CHCHD7: variants seen among roughly 807,000 people sequenced by gnomAD.
CHCHD7 encodes coiled-coil-helix-coiled-coil-helix domain containing 7, also known as coiled-coil-helix-coiled-coil-helix domain-containing protein 7.
CHCHD7 carries 7 observed loss-of-function variants against 10.5 expected under a neutral mutation model. That is an observed-to-expected ratio of 0.67 (90% CI 0.38 to 1.25). The LOEUF is 1.25. CHCHD7 is among the 50% of genes most tolerant of loss of function. CHCHD7 has a pLI of 0.02. For missense variants in CHCHD7, 100 were observed against 104.5 expected, an observed-to-expected ratio of 0.96 and a Z score of 0.19; for synonymous variants, 40 against 36.0, an observed-to-expected ratio of 1.11 and a Z score of -0.40.
At chr8:56,212,693 G>T in intron 1 of CHCHD7, 1 of 607,496 alleles carries the variant, frequency 1.6e-6, no homozygotes, top group South Asian at 2.2e-5. Flanking sequence ...GGCCCCTTTA[G>T]CGGAGCACTC....
chr8:56,217,543 G>C lies in CHCHD7; in HGVS notation c.*108G>C. 1.5e-6 allele frequency: 1 copy of C among 666,512 alleles called. No individual in the cohort carries two copies. Among genetic ancestry groups the C allele is most frequent in the South Asian group, 1.9e-5 (1 of 51,988 alleles). The allele number at this position is 666,512 out of a possible 1,614,324, so 41.3% of individuals were successfully genotyped here. Reference sequence around the variant, plus strand: ...CACCCCTCACCCAGACAGACCTTAAGTTCTTCAAGTGGAGACAGTGAAGTC... The same window carrying C: ...CACCCCTCACCCAGACAGACCTTAACTTCTTCAAGTGGAGACAGTGAAGTC... On this transcript the variant is annotated 3_prime_UTR_variant, in exon 4 of 4. Coordinates refer to ENST00000355315, the MANE Select transcript of CHCHD7 (RefSeq NM_001011671.3).
At chr8:56,212,950 G>A in intron 1 of CHCHD7, 1 of 1,259,728 alleles carries the variant, frequency 7.9e-7, no homozygotes, top group East Asian at 2.3e-5. Context: ...ATAAAATATA[G>A]AGTAGGATAC....
In CHCHD7 at chr8:56,217,630, T is replaced by A; in HGVS notation, c.*195T>A. On this transcript the variant is annotated 3_prime_UTR_variant, in exon 4 of 4. Transcript: ENST00000355315. ...CGATGGTATGTTGCTGTTGGCTGTG[T>A]TGTGGCATGAGTTTGCATGACTTTC... 2.2e-6 allele frequency: 1 copy of A among 462,198 alleles called. No homozygotes were observed. The highest frequency in any genetic ancestry group is 3.6e-5 in the East Asian group (1 of 28,144). The allele number at this position is 462,198 out of a possible 1,614,324, so 28.6% of individuals were successfully genotyped here.
Position 56,212,938 on chromosome 8 carries a change from CAAT to C in CHCHD7, c.-17+1104_-17+1106del, listed in dbSNP as rs760988212. 9 of 1,409,528 alleles carry C rather than the reference CAAT, an allele frequency of 6.4e-6. No homozygotes were observed. The Admixed American group carries it at 1.4e-4, about 21-fold the overall frequency. The allele number at this position is 1,409,528 out of a possible 1,614,324, so 87.3% of individuals were successfully genotyped here. On this transcript the variant is annotated intron_variant, in intron 1 of 3. Transcript: ENST00000355315. ...TTATTTTTGAAGAATTTCTGACTGA[CAAT>C]AAAATATAGAGTAGGATACTTTCAT...
intron 1 of CHCHD7, chr8:56,212,654 AT>A: frequency 1.8e-6 from 1 of 554,376 alleles, no homozygotes; most frequent in Non-Finnish European, 3.2e-6. Context: ...TGTAACATTT[AT>A]TTAGTACATT....
intron 3 of CHCHD7, chr8:56,216,762 T>G: frequency 1.4e-6 from 1 of 701,300 alleles, no homozygotes; most frequent in South Asian, 1.5e-5. Context: ...TAGGTGGGTC[T>G]TCTTAGACAT....
At position 56,213,150 on chromosome 8, in the gene CHCHD7, C is replaced by T. The variant is rs1404424835; in HGVS notation, c.-17+1313C>T. ...GGGAAGTGTGGAAAAAAATTGTCTT[C>T]AGGAGAGGAAGAAGCTTGTAGATAT... On this transcript the variant is annotated intron_variant, in intron 1 of 3. Transcript: ENST00000355315. The T allele has an allele frequency of 1.2e-5, 4 of 343,210 alleles. No homozygotes were observed. The Admixed American group carries it at 1.4e-4, about 12-fold the overall frequency. The allele number at this position is 343,210 out of a possible 1,614,324, so 21.3% of individuals were successfully genotyped here.
At position 56,214,532 on chromosome 8, in the gene CHCHD7, A is replaced by G. The variant is rs1421613715; in HGVS notation, c.-16-66A>G. 7.6e-6 allele frequency: 9 copies of G among 1,187,752 alleles called. No individual in the cohort carries two copies. The East Asian group carries it at 1.7e-4, about 22-fold the overall frequency. The allele number at this position is 1,187,752 out of a possible 1,614,324, so 73.6% of individuals were successfully genotyped here. On this transcript the variant is annotated intron_variant, in intron 1 of 3. Coordinates refer to ENST00000355315, the MANE Select transcript of CHCHD7 (RefSeq NM_001011671.3). ...CAAAATTTCAGGTACTTTTAGTGCTATTGAGATGTATTGATTTATTTTCTG... is the reference window on the plus strand; with the variant it reads ...CAAAATTTCAGGTACTTTTAGTGCTGTTGAGATGTATTGATTTATTTTCTG...
intron 2 of CHCHD7, 195 bp from the exon 3 acceptor site, chr8:56,216,238 A>C: frequency 1.3e-6 from 1 of 755,510 alleles, no homozygotes; most frequent in Admixed American, 3.1e-5. Context: ...ATAAAAAGGA[A>C]GATGTTAGCC....
rs978520307 is a variant in CHCHD7, at chr8:56,218,384, T to C, written c.*949T>C. The C allele has an allele frequency of 4.4e-6, 1 of 225,114 alleles. No homozygotes were observed. The highest frequency in any genetic ancestry group is 8.8e-6 in the Non-Finnish European group (1 of 113,054). The allele number at this position is 225,114 out of a possible 1,614,324, so 13.9% of individuals were successfully genotyped here. On this transcript the variant is annotated 3_prime_UTR_variant, in exon 4 of 4. Coordinates refer to ENST00000355315, the MANE Select transcript of CHCHD7 (RefSeq NM_001011671.3). Reference sequence around the variant, plus strand: ...GCCCACTGCCTTTTAGAATCGTTTGTTTTATTCATGGTAGTTTTATGAAGA... The same window carrying C: ...GCCCACTGCCTTTTAGAATCGTTTGCTTTATTCATGGTAGTTTTATGAAGA...
chr8:56,213,982 G>A (rs1813187435), intron 1 of CHCHD7: 1 of 152,182 alleles, frequency 6.6e-6, no homozygotes, highest in Non-Finnish European at 1.5e-5. Flanking sequence ...GTAATTGTTG[G>A]AATGCATACT....
rs770355654 is a variant in CHCHD7, at chr8:56,214,593, C to G, written c.-16-5C>G. On this transcript the variant is annotated splice_polypyrimidine_tract_variant and splice_region_variant and intron_variant, in intron 1 of 3. Coordinates refer to ENST00000355315, the MANE Select transcript of CHCHD7 (RefSeq NM_001011671.3). ...TATAATTATTTTTTTTCTGTCTACC[C>G]TCAGTAAGAAGACTGTTAGAATGCC... 1.7e-5 allele frequency: 27 copies of G among 1,608,060 alleles called. No individual in the cohort carries two copies. Among genetic ancestry groups the G allele is most frequent in the South Asian group, 1.1e-4 (10 of 90,784 alleles).
chr8:56,212,410 G>A (rs182642779), intron 1 of CHCHD7: 1 of 155,046 alleles, frequency 6.4e-6, no homozygotes, highest in East Asian at 1.9e-4. Context: ...CGACCACGGG[G>A]CGTGTGGGCA....
chr8:56,214,685 A>C lies in CHCHD7; in HGVS notation c.54+18A>C. ...GTTTGTCGGTAGGATGGTTTGCTTT[A>C]ATTTTCATGAGTGTTAAGTTGGAAA... is the stretch of plus-strand genomic sequence containing the variant. On this transcript the variant is annotated intron_variant, in intron 2 of 3. Coordinates refer to ENST00000355315, the MANE Select transcript of CHCHD7 (RefSeq NM_001011671.3). 6.2e-7 allele frequency: 1 copy of C among 1,605,018 alleles called. No individual in the cohort carries two copies. Among genetic ancestry groups the C allele is most frequent in the Non-Finnish European group, 8.5e-7 (1 of 1,172,036 alleles).
At chr8:56,212,074 C>T (rs1020854264) in intron 1 of CHCHD7, 2 of 153,208 alleles carry the variant, frequency 1.3e-5, no homozygotes, top group African/African-American at 4.8e-5. Context: ...TCTTCTTCCA[C>T]TCTCCTGTGT....
intron 1 of CHCHD7, chr8:56,213,163 A>G (rs1388086184): frequency 2.2e-5 from 7 of 323,458 alleles, no homozygotes; most frequent in South Asian, 1.2e-4. Flanking sequence ...GAGAGGAAGA[A>G]GCTTGTAGAT....
Position 56,218,577 on chromosome 8 carries a change from TAAATGTAGTTATATTTGAATAAA to T in CHCHD7, c.*1148_*1170del. The T allele has an allele frequency of 4.8e-6, 1 of 207,436 alleles. No homozygotes were observed. Among genetic ancestry groups the T allele is most frequent in the East Asian group, 7.4e-5 (1 of 13,536 alleles). The allele number at this position is 207,436 out of a possible 1,614,324, so 12.8% of individuals were successfully genotyped here. A position where few individuals can be genotyped will look rare whatever the true frequency, so the allele number is the denominator to read the frequency against. On this transcript the variant is annotated 3_prime_UTR_variant, in exon 4 of 4. Coordinates refer to ENST00000355315, the MANE Select transcript of CHCHD7 (RefSeq NM_001011671.3). ...TTCTAAGCCACATGACCTTGATTGT[TAAATGTAGTTATATTTGAATAAA>T]AAATGAATCATTTCCAAAATTCTTT...
intron 3 of CHCHD7, 171 bp downstream of exon 3, chr8:56,216,702 C>G: frequency 1.3e-6 from 1 of 758,820 alleles, no homozygotes; most frequent in Non-Finnish European, 2.3e-6. Context: ...CTTGAGAGCT[C>G]TTGTTAGCTG....
intron 1 of CHCHD7, 137 bp from the exon 2 acceptor site, chr8:56,214,461 C>G (rs1813220710): frequency 1.7e-6 from 1 of 586,130 alleles, no homozygotes. Context: ...TCACAAAGTA[C>G]AGAGAATACA....
Sources: allele counts gnomAD v4.1 joint callset, GRCh38; gene constraint gnomAD v4.1.1; transcripts MANE v1.5; gene names NCBI Gene and HGNC (gene_info 2026-07-23, HGNC 2026-07-21).